Variants in C8orf34 observed in about 807,000 individuals in gnomAD.
C8orf34 encodes chromosome 8 open reading frame 34, also known as uncharacterized protein C8orf34.
Under a neutral mutation model 68.3 loss-of-function variants are expected in C8orf34, and 65 were observed. The observed-to-expected ratio is 0.95, with a 90% CI of 0.78 to 1.17. C8orf34 has a LOEUF of 1.17. C8orf34 is among the 50% of genes most tolerant of loss of function. C8orf34 has a pLI of 0.00. For missense variants in C8orf34, 664 were observed against 655.4 expected, an observed-to-expected ratio of 1.01 and a Z score of -0.14; for synonymous variants, 244 against 241.2, an observed-to-expected ratio of 1.01 and a Z score of -0.11.
At chr8:68,679,526 C>A (rs1173152056) in intron 8 of C8orf34, among the ~76,000 whole-genome samples, 1 of 152,006 alleles carries the variant, frequency 6.6e-6, no homozygotes, top group Non-Finnish European at 1.5e-5. Context: ...TCAATGCAAT[C>A]TCTATCATAA....
intron 1 of C8orf34, among the ~76,000 whole-genome samples, chr8:68,370,940 T>C (rs1003322796): frequency 1.1e-4 from 16 of 152,168 alleles, no homozygotes; most frequent in African/African-American, 3.9e-4. Flanking sequence ...ATTTTTTACA[T>C]GTCTTCCAGG....
chr8:68,424,904 A>G (rs1231872719), intron 1 of C8orf34, among the ~76,000 whole-genome samples: 4 of 152,014 alleles, frequency 2.6e-5, no homozygotes, highest in Admixed American at 2.6e-4. Context: ...CATCCCAAAA[A>G]TAATAATAAT....
At chr8:68,792,165 G>T (rs1824014001) in intron 12 of C8orf34, 1 of 152,080 alleles carries the variant, frequency 6.6e-6, no homozygotes, top group Non-Finnish European at 1.5e-5. Flanking sequence ...TGCCTGAAAA[G>T]TTATAGTAAA....
chr8:68,533,262 C>A, intron 7 of C8orf34, 113 bp downstream of exon 7: 3 of 1,417,794 alleles, frequency 2.1e-6, no homozygotes, highest in South Asian at 1.7e-5. Flanking sequence ...GGAAAAGAAA[C>A]CATTTAGTAC....
At chr8:68,715,727 C>A (rs911894059) in intron 9 of C8orf34, among the ~76,000 whole-genome samples, 4 of 151,724 alleles carry the variant, frequency 2.6e-5, no homozygotes, top group East Asian at 1.9e-4. Context: ...GGAATGTAAA[C>A]CAGTACAACC....
At chr8:68,735,193 A>G (rs1323602412) in intron 10 of C8orf34, among the ~76,000 whole-genome samples, 2 of 151,966 alleles carry the variant, frequency 1.3e-5, no homozygotes, top group African/African-American at 4.8e-5. Flanking sequence ...TCACTTTCCC[A>G]CTAGTTTCTG....
Position 68,465,966 on chromosome 8 carries a change from TAAAATAAAATAAG to T in C8orf34, c.608-2722_608-2710del, listed in dbSNP as rs1212371602. Among the ~76,000 whole-genome samples the T allele has an allele frequency of 2.0e-3, 300 of 148,320 alleles. 1 individual carries two copies. Among genetic ancestry groups the T allele is most frequent in the African/African-American group, 6.7e-3 (268 of 40,292 alleles). On this transcript the variant is annotated intron_variant, in intron 3 of 13. Transcript: ENST00000518698. ...TAAAGTATAATAAAATAAAATAAAA[TAAAATAAAATAAG>T]AAATTCTAATAAAAAAAGAAAATTT...
intron 8 of C8orf34, among the ~76,000 whole-genome samples, chr8:68,703,645 A>T (rs1821081498): frequency 6.6e-6 from 1 of 152,070 alleles, no homozygotes; most frequent in Non-Finnish European, 1.5e-5. Context: ...CCTTGACCAG[A>T]AGCCTATGAA....
chr8:68,767,419 T>C (rs1823211614), intron 10 of C8orf34, among the ~76,000 whole-genome samples: 1 of 152,216 alleles, frequency 6.6e-6, no homozygotes, highest in African/African-American at 2.4e-5. Context: ...AGTTTTTCAG[T>C]CTATAGGTGC....
At chr8:68,658,378 T>C (rs1196306582) in intron 8 of C8orf34, among the ~76,000 whole-genome samples, 3 of 152,174 alleles carry the variant, frequency 2.0e-5, no homozygotes, top group Non-Finnish European at 4.4e-5. Context: ...TTGGCCATCA[T>C]TGTTGCTGGT....
chr8:68,332,246 C>T (rs1333787236), intron 1 of C8orf34, among the ~76,000 whole-genome samples: 1 of 152,002 alleles, frequency 6.6e-6, no homozygotes, highest in Non-Finnish European at 1.5e-5. Context: ...GTGGGGCGTG[C>T]GGACCGTAGT....
At chr8:68,693,581 C>T (rs974360788) in intron 8 of C8orf34, among the ~76,000 whole-genome samples, 2 of 152,038 alleles carry the variant, frequency 1.3e-5, no homozygotes, top group South Asian at 2.1e-4. Flanking sequence ...GTGTTTTGCA[C>T]AGAGTATTTA....
chr8:68,491,317 T>G (rs949516095), intron 5 of C8orf34, among the ~76,000 whole-genome samples: 1 of 152,180 alleles, frequency 6.6e-6, no homozygotes, highest in African/African-American at 2.4e-5. Flanking sequence ...CGATGACTAC[T>G]GTATTGGCTT....
chr8:68,599,098 C>A (rs1817626169), intron 7 of C8orf34, among the ~76,000 whole-genome samples: 1 of 151,780 alleles, frequency 6.6e-6, no homozygotes, highest in Admixed American at 6.6e-5. Flanking sequence ...CATCTATTAG[C>A]AGAATTAACA....
At position 68,811,601 on chromosome 8, in the gene C8orf34, C is replaced by A. The variant is rs749265572; in HGVS notation, c.1550-4285C>A. Among the ~76,000 whole-genome samples, 47 of 152,294 alleles carry A rather than the reference C, an allele frequency of 3.1e-4. No individual in the cohort carries two copies. In the Middle Eastern group the frequency reaches 0.01, roughly 33 times the overall value. On this transcript the variant is annotated intron_variant, in intron 12 of 13. Transcript: ENST00000518698. ...CTGCAATCACTAACATTAAATAGAT[C>A]CGCCAAATCTCTTTTGGAGAGATAT...
chr8:68,336,855 G>C (rs977936005), intron 1 of C8orf34, among the ~76,000 whole-genome samples: 4 of 152,096 alleles, frequency 2.6e-5, no homozygotes, highest in African/African-American at 9.7e-5. Flanking sequence ...TGTATCAAAG[G>C]ACACAGAGGA....
At chr8:68,499,587 T>C (rs938974943) in intron 5 of C8orf34, among the ~76,000 whole-genome samples, 3 of 152,128 alleles carry the variant, frequency 2.0e-5, no homozygotes, top group African/African-American at 7.2e-5. Context: ...GCAACCGTCA[T>C]AGTAGTTGAT....
At chr8:68,458,313 G>T (rs1208427450) in intron 3 of C8orf34, among the ~76,000 whole-genome samples, 1 of 152,114 alleles carries the variant, frequency 6.6e-6, no homozygotes, top group Non-Finnish European at 1.5e-5. Flanking sequence ...ATGTAGACTG[G>T]CCAGTTCTCC....
intron 7 of C8orf34, among the ~76,000 whole-genome samples, chr8:68,601,691 T>C (rs1817703416): frequency 6.6e-6 from 1 of 152,178 alleles, no homozygotes; most frequent in Non-Finnish European, 1.5e-5. Flanking sequence ...TTAAAATCTT[T>C]GTCAGATAAC....
Sources: allele counts gnomAD v4.1 joint callset (sites outside exome capture counted in the v4.1 genomes callset), GRCh38; gene constraint gnomAD v4.1.1; transcripts MANE v1.5; gene names NCBI Gene and HGNC (gene_info 2026-07-23, HGNC 2026-07-21).